Variants in C1QTNF3 observed in about 807,000 individuals in gnomAD.
C1QTNF3 encodes complement C1q tumor necrosis factor-related protein 3.
C1QTNF3 carries 26 observed loss-of-function variants against 32.6 expected under a neutral mutation model. That is an observed-to-expected ratio of 0.80 (90% confidence interval 0.58 to 1.11). C1QTNF3 has a LOEUF of 1.11. Ranked by LOEUF, C1QTNF3 falls within the 50% of genes least tolerant of loss-of-function variation. The pLI, the probability that C1QTNF3 is intolerant of heterozygous loss-of-function variation, is 0.00. For synonymous variants in C1QTNF3, 155 were observed against 146.0 expected (o/e 1.06, Z -0.44); for missense variants, 362 against 398.2 (o/e 0.91, Z 0.77).
chr5:34,035,755 G>T lies in C1QTNF3; in HGVS notation c.307C>A (p.Pro103Thr). 6.2e-7 allele frequency: 1 copy of T among 1,610,460 alleles called. No individual in the cohort carries two copies. Among genetic ancestry groups the T allele is most frequent in the East Asian group, 2.2e-5 (1 of 44,812 alleles). Residue 103 changes from proline to threonine, a missense_variant, in exon 2 of 6, where the codon CCA becomes ACA. Coordinates refer to ENST00000382065, the MANE Select transcript of C1QTNF3 (RefSeq NM_181435.6). ...TCTGGGGGTAGTCCTCCGGTTTGTG[G>T]AGACTAAAAAGACAGAAAGAGAAGC... ...AQITTFWGQS[P>T]QTGGLPPDCS... is the part of the protein sequence containing the mutation.
the C1QTNF3 span, among the ~76,000 whole-genome samples, chr5:34,109,849 G>C: frequency 1.3e-5 from 2 of 152,294 alleles, no homozygotes; most frequent in African/African-American, 2.4e-5. Flanking sequence ...ACTTAGCAAG[G>C]GCTGTTGAAT....
the C1QTNF3 span, among the ~76,000 whole-genome samples, chr5:34,121,680 C>T: frequency 1.3e-5 from 2 of 152,080 alleles, no homozygotes; most frequent in Non-Finnish European, 2.9e-5. Flanking sequence ...AATATTTGCA[C>T]AGGGAGAATT....
the C1QTNF3 span, among the ~76,000 whole-genome samples, chr5:34,154,880 A>G: frequency 1.3e-5 from 2 of 152,170 alleles, no homozygotes; most frequent in African/African-American, 2.4e-5. Context: ...ACTATTAACA[A>G]TCTTGCCAGC....
chr5:34,121,267 C>T, the C1QTNF3 span, among the ~76,000 whole-genome samples: 1 of 152,132 alleles, frequency 6.6e-6, no homozygotes, highest in Non-Finnish European at 1.5e-5. Context: ...TAACAAAGTC[C>T]TATTTGTTTT....
the C1QTNF3 span, chr5:34,106,237 T>C: frequency 1.3e-5 from 2 of 149,620 alleles, no homozygotes; most frequent in Non-Finnish European, 2.9e-5. Flanking sequence ...TAGAGTGACA[T>C]TTAAAAAAAA....
the C1QTNF3 span, among the ~76,000 whole-genome samples, chr5:34,092,633 T>C: frequency 7.9e-5 from 12 of 151,124 alleles, no homozygotes; most frequent in Non-Finnish European, 2.9e-5. Context: ...TACTTTGTTC[T>C]GTTATGATGA....
chr5:34,158,875 C>T, the C1QTNF3 span: 33 of 151,918 alleles, frequency 2.2e-4, no homozygotes, highest in African/African-American at 6.0e-4. Flanking sequence ...GGATATATTA[C>T]GAATGTTCAC....
chr5:34,172,963 T>C, the C1QTNF3 span, among the ~76,000 whole-genome samples: 4 of 152,190 alleles, frequency 2.6e-5, no homozygotes, highest in Admixed American at 1.3e-4. Flanking sequence ...TTCTGTAGGA[T>C]AGATTCTTTT....
the C1QTNF3 span, among the ~76,000 whole-genome samples, chr5:34,223,736 A>G: frequency 1.3e-5 from 2 of 152,068 alleles, no homozygotes; most frequent in African/African-American, 4.8e-5. Flanking sequence ...ATGGTATCTC[A>G]TTGTGGTTTT....
At chr5:34,032,126 C>T (rs574607667) in intron 3 of C1QTNF3, among the ~76,000 whole-genome samples, 18 of 152,302 alleles carry the variant, frequency 1.2e-4, no homozygotes, top group Middle Eastern at 6.8e-3. Flanking sequence ...CAGAAAGAAA[C>T]TTAATTTTTA....
chr5:34,211,383 T>A, the C1QTNF3 span, among the ~76,000 whole-genome samples: 1 of 152,134 alleles, frequency 6.6e-6, no homozygotes, highest in Admixed American at 6.5e-5. Context: ...GATACCTGAA[T>A]GTGTGTATAC....
In C1QTNF3 at chr5:34,021,580, A is replaced by G. The variant is rs142608943; in HGVS notation, c.801-838T>C. On this transcript the variant is annotated intron_variant, in intron 5 of 5. Coordinates refer to ENST00000382065, the MANE Select transcript of C1QTNF3 (RefSeq NM_181435.6). ...CCTTAAGACTACTCATTCAGCAGCC[A>G]TAAAAAAGAATGAGTTCATGCCCTT... Among the ~76,000 whole-genome samples the G allele has an allele frequency of 1.8e-3, 275 of 152,366 alleles. 4 individuals carry two copies. Among genetic ancestry groups the G allele is most frequent in the East Asian group, 0.017 (89 of 5,180 alleles).
At chr5:34,049,663 G>A in the C1QTNF3 span, among the ~76,000 whole-genome samples, 1 of 152,210 alleles carries the variant, frequency 6.6e-6, no homozygotes, top group East Asian at 1.9e-4. Flanking sequence ...CAAAATGGGA[G>A]ACTGATTTTC....
the C1QTNF3 span, among the ~76,000 whole-genome samples, chr5:34,129,386 A>G: frequency 1.3e-5 from 2 of 152,244 alleles, no homozygotes; most frequent in African/African-American, 4.8e-5. Context: ...TAATAGCTGA[A>G]TTCTAGAAGT....
At chr5:34,043,723 T>A (rs540674125), upstream of C1QTNF3, 93 of 152,768 alleles carry the variant, frequency 6.1e-4, no homozygotes, top group African/African-American at 2.1e-3. Flanking sequence ...GGCAGTTGGT[T>A]GCCTACAAAA....
the C1QTNF3 span, among the ~76,000 whole-genome samples, chr5:34,238,502 A>T: frequency 6.6e-6 from 1 of 152,200 alleles, no homozygotes; most frequent in Non-Finnish European, 1.5e-5. Context: ...AAGAAATATT[A>T]ACAGAAGGTA....
chr5:34,157,519 A>G, the C1QTNF3 span, among the ~76,000 whole-genome samples: 1 of 152,194 alleles, frequency 6.6e-6, no homozygotes, highest in Non-Finnish European at 1.5e-5. Context: ...GAGATTTTGT[A>G]GATGTGATTA....
the C1QTNF3 span, among the ~76,000 whole-genome samples, chr5:34,228,296 T>C: frequency 6.6e-6 from 1 of 151,650 alleles, no homozygotes; most frequent in African/African-American, 2.4e-5. Flanking sequence ...TTTAACTAAA[T>C]GCTGTAAGGA....
intron 2 of C1QTNF3, among the ~76,000 whole-genome samples, chr5:34,034,710 A>G (rs1754694653): frequency 6.6e-6 from 1 of 152,294 alleles, no homozygotes; most frequent in East Asian, 1.9e-4. Flanking sequence ...TAACCTCACA[A>G]GAGTTAAGAC....
Sources: allele counts gnomAD v4.1 joint callset (sites outside exome capture counted in the v4.1 genomes callset), GRCh38; gene constraint gnomAD v4.1.1; transcripts MANE v1.5; gene names NCBI Gene and HGNC (gene_info 2026-07-23, HGNC 2026-07-21).